Variants in DLEU7 observed in about 807,000 individuals in gnomAD.
DLEU7 encodes deleted in lymphocytic leukemia 7.
In DLEU7, 17 loss-of-function variants were observed where a neutral mutation model predicts 16.0. That is an observed-to-expected ratio of 1.06 (90% CI 0.73 to 1.59). The LOEUF (loss-of-function observed/expected upper bound fraction) is 1.59, where lower values mean the gene tolerates loss of function less well. DLEU7 is among the 40% of genes most tolerant of loss of function. The pLI is 0.00. For synonymous variants in DLEU7, 113 were observed against 139.8 expected, an observed-to-expected ratio of 0.81 and a Z score of 1.35; for missense variants, 308 against 314.9, an observed-to-expected ratio of 0.98 and a Z score of 0.17.
At chr13:50,822,860 T>C (rs369531572), downstream of DLEU7, 1 of 989,762 alleles carries the variant, frequency 1.0e-6, no homozygotes. Flanking sequence ...GTCCAGTAAG[T>C]ATTAATAGAA....
intron 1 of DLEU7, among the ~76,000 whole-genome samples, chr13:50,790,781 T>C (rs1322903836): frequency 2.0e-5 from 3 of 152,164 alleles, no homozygotes; most frequent in African/African-American, 7.2e-5. Flanking sequence ...AGGCTTCCTG[T>C]AGAGATTAGC....
intron 1 of DLEU7, among the ~76,000 whole-genome samples, chr13:50,770,607 T>C (rs1875271903): frequency 6.6e-6 from 1 of 152,248 alleles, no homozygotes; most frequent in South Asian, 2.1e-4. Context: ...CAGCCTTGCA[T>C]CCCAGGGATG....
chr13:50,746,461 T>C (rs549518728), intron 1 of DLEU7, among the ~76,000 whole-genome samples: 1 of 152,320 alleles, frequency 6.6e-6, no homozygotes, highest in South Asian at 2.1e-4. Flanking sequence ...ATAAATTTAA[T>C]TTCCTGATAG....
intron 1 of DLEU7, among the ~76,000 whole-genome samples, chr13:50,801,132 C>G (rs1374702720): frequency 6.6e-6 from 1 of 152,078 alleles, no homozygotes; most frequent in Non-Finnish European, 1.5e-5. Flanking sequence ...CTTTAGCTGT[C>G]CTCTCCTTGC....
chr13:50,842,443 A>G (rs1212913980), intron 1 of DLEU7, among the ~76,000 whole-genome samples: 1 of 152,192 alleles, frequency 6.6e-6, no homozygotes, highest in East Asian at 1.9e-4. Flanking sequence ...TCCAGGACTG[A>G]AACCCAGACC....
At chr13:50,837,079 T>A (rs921596808) in intron 1 of DLEU7, among the ~76,000 whole-genome samples, 1 of 152,170 alleles carries the variant, frequency 6.6e-6, no homozygotes, top group Non-Finnish European at 1.5e-5. Flanking sequence ...AAACACCCAA[T>A]GAAGAACCAA....
At chr13:50,733,795 C>T (rs1431788701) in intron 1 of DLEU7, among the ~76,000 whole-genome samples, 1 of 152,192 alleles carries the variant, frequency 6.6e-6, no homozygotes, top group Non-Finnish European at 1.5e-5. Context: ...ACTAGGTAGG[C>T]ATTTTATATA....
intron 1 of DLEU7, among the ~76,000 whole-genome samples, chr13:50,831,157 G>A (rs1877253567): frequency 6.6e-6 from 1 of 151,168 alleles, no homozygotes; most frequent in Non-Finnish European, 1.5e-5. Context: ...GAAAGGGGAA[G>A]GGAAAAGAAA....
chr13:50,796,530 C>T (rs1265465449), intron 1 of DLEU7, among the ~76,000 whole-genome samples: 2 of 152,150 alleles, frequency 1.3e-5, no homozygotes, highest in Non-Finnish European at 2.9e-5. Flanking sequence ...TTCATTTCTG[C>T]AATTTTCCAT....
intron 1 of DLEU7, among the ~76,000 whole-genome samples, chr13:50,774,372 C>T (rs73495614): frequency 0.16 from 24,422 of 152,062 alleles, 2,306 homozygotes; most frequent in East Asian, 0.28. Context: ...AGCTACAGAC[C>T]GGAGCTGTTC....
chr13:50,723,043 C>T (rs1873665701), intron 1 of DLEU7: 1 of 152,132 alleles, frequency 6.6e-6, no homozygotes. Context: ...TAAGCAATCC[C>T]TTAATGTTGA....
intron 1 of DLEU7, among the ~76,000 whole-genome samples, chr13:50,778,293 C>G (rs566209309): frequency 6.6e-6 from 1 of 152,242 alleles, no homozygotes; most frequent in East Asian, 1.9e-4. Context: ...CAGCACAGGG[C>G]AAACCACCCT....
chr13:50,738,303 A>G (rs944160777), intron 1 of DLEU7, among the ~76,000 whole-genome samples: 17 of 152,234 alleles, frequency 1.1e-4, no homozygotes, highest in Admixed American at 5.2e-4. Flanking sequence ...AAACATTGGG[A>G]AAAAAACCTC....
intron 1 of DLEU7, among the ~76,000 whole-genome samples, chr13:50,838,630 A>G (rs1235269969): frequency 6.6e-6 from 1 of 152,192 alleles, no homozygotes; most frequent in Admixed American, 6.5e-5. Context: ...TTCTGTCACT[A>G]TATCAGGTGG....
At chr13:50,716,773 A>T (rs1338066412) in intron 1 of DLEU7, among the ~76,000 whole-genome samples, 1 of 152,244 alleles carries the variant, frequency 6.6e-6, no homozygotes, top group Admixed American at 6.5e-5. Flanking sequence ...GAACATTTAT[A>T]TATATTCTGT....
intron 1 of DLEU7, among the ~76,000 whole-genome samples, chr13:50,735,921 T>C (rs1478623388): frequency 6.6e-6 from 1 of 152,164 alleles, no homozygotes; most frequent in Non-Finnish European, 1.5e-5. Context: ...TGTAAATTAG[T>C]TTAACCATTG....
At position 50,727,632 on chromosome 13, in the gene DLEU7, C is replaced by A. The variant is rs183239742; in HGVS notation, c.460-14392G>T. On this transcript the variant is annotated intron_variant, in intron 1 of 1. Coordinates refer to the DLEU7 transcript ENST00000400393. ...CTAAGGCCTGGGCTCCCTGTGATTC[C>A]CAAGGAATCACGTTGGGAATACCTC... 1.8e-3 allele frequency among the ~76,000 whole-genome samples: 272 copies of A among 152,200 alleles called. 2 individuals are homozygous for A. The highest frequency in any genetic ancestry group is 5.0e-3 in the South Asian group (24 of 4,822).
intron 1 of DLEU7, among the ~76,000 whole-genome samples, chr13:50,806,941 C>T (rs978382021): frequency 1.6e-5 from 2 of 126,574 alleles, no homozygotes; most frequent in African/African-American, 4.0e-5. Flanking sequence ...AGACTCACTG[C>T]ACTCTAGCCT....
intron 1 of DLEU7, among the ~76,000 whole-genome samples, chr13:50,798,680 G>A (rs1398752937): frequency 6.6e-6 from 1 of 152,226 alleles, no homozygotes; most frequent in African/African-American, 2.4e-5. Flanking sequence ...AACTCTCTGA[G>A]GCTGTCCGGG....
Sources: allele counts gnomAD v4.1 joint callset (sites outside exome capture counted in the v4.1 genomes callset), GRCh38; gene constraint gnomAD v4.1.1; transcripts MANE v1.5; gene names NCBI Gene and HGNC (gene_info 2026-07-23, HGNC 2026-07-21).